Variants in SPAG16 observed in about 807,000 individuals in gnomAD.
SPAG16 encodes the protein sperm associated antigen 16.
SPAG16 carries 86 observed loss-of-function variants against 80.4 expected under a neutral mutation model. The observed-to-expected ratio is 1.07, with a 90% confidence interval of 0.90 to 1.28. The LOEUF (loss-of-function observed/expected upper bound fraction) is 1.28, where lower values mean the gene tolerates loss of function less well. SPAG16 is among the 50% of genes most tolerant of loss of function. SPAG16 has a pLI of 0.00. For synonymous variants in SPAG16, 294 were observed against 265.9 expected (o/e 1.11, Z -1.03); for missense variants, 870 against 765.3 (o/e 1.14, Z -1.61).
At chr2:214,164,240 G>A (rs1277572970) in intron 15 of SPAG16, among the ~76,000 whole-genome samples, 1 of 152,110 alleles carries the variant, frequency 6.6e-6, no homozygotes, top group Non-Finnish European at 1.5e-5. Context: ...ATGATAAATA[G>A]CTACCGAAAT....
intron 15 of SPAG16, among the ~76,000 whole-genome samples, chr2:214,254,074 C>G (rs2372253): frequency 0.66 from 99,540 of 151,820 alleles, 32,843 homozygotes; most frequent in South Asian, 0.71. Context: ...AATTGTGAAT[C>G]GGAGTCACTG....
intron 9 of SPAG16, among the ~76,000 whole-genome samples, chr2:213,431,509 A>AAAAGTCATT (rs1168410947): frequency 2.1e-5 from 3 of 145,124 alleles, no homozygotes; most frequent in African/African-American, 7.8e-5. Context: ...AAAAAAAAGA[A>AAAAGTCATT]AAAGTCATTA....
At chr2:213,737,117 T>C (rs1203076323) in intron 10 of SPAG16, among the ~76,000 whole-genome samples, 1 of 152,212 alleles carries the variant, frequency 6.6e-6, no homozygotes, top group Admixed American at 6.5e-5. Context: ...GTTCTTGATT[T>C]ATTTTTATTA....
chr2:213,951,753 A>G lies in SPAG16; in HGVS notation c.1400+21608A>G, dbSNP rs575669164. Among the ~76,000 whole-genome samples, 90 of 152,306 alleles carry G rather than the reference A, an allele frequency of 5.9e-4. 1 individual carries two copies. In the South Asian group the frequency reaches 0.013, roughly 22 times the overall value. ...GGAATATGCCAAAATGCATGCTATA[A>G]TAACTCACTGGCTGACGTTGAGTCA... On this transcript the variant is annotated intron_variant, in intron 12 of 15. Transcript: ENST00000331683.
intron 14 of SPAG16, among the ~76,000 whole-genome samples, chr2:214,123,781 A>T (rs1306078992): frequency 1.3e-5 from 2 of 151,992 alleles, no homozygotes; most frequent in African/African-American, 4.8e-5. Context: ...AAGATAACTC[A>T]AGCATAGGCA....
intron 9 of SPAG16, among the ~76,000 whole-genome samples, chr2:213,408,572 T>C (rs1211180657): frequency 1.4e-5 from 2 of 146,466 alleles, no homozygotes; most frequent in African/African-American, 5.6e-5. Flanking sequence ...GCAGGTTTCC[T>C]AACAGGGGAT....
intron 11 of SPAG16, among the ~76,000 whole-genome samples, chr2:213,880,931 T>C (rs757875026): frequency 2.0e-5 from 3 of 152,112 alleles, no homozygotes; most frequent in Non-Finnish European, 4.4e-5. Flanking sequence ...TGCTCTTCTT[T>C]GTTTGAATGA....
chr2:214,086,111 A>T (rs1434317621), intron 13 of SPAG16, among the ~76,000 whole-genome samples: 1 of 152,142 alleles, frequency 6.6e-6, no homozygotes, highest in Non-Finnish European at 1.5e-5. Flanking sequence ...AATTTATCTG[A>T]TGCAGCCATC....
chr2:213,338,633 C>G lies in SPAG16; in HGVS notation c.537-1530C>G, dbSNP rs146069525. Among the ~76,000 whole-genome samples the G allele has an allele frequency of 1.5e-3, 235 of 152,274 alleles. 2 individuals carry two copies. In the East Asian group the frequency reaches 0.041, roughly 27 times the overall value. ...AACCCAGATGCCCATCAATGATAGA[C>G]TGGATAAAGAAAATGTGGCACATAT... On this transcript the variant is annotated intron_variant, in intron 5 of 15. Transcript: ENST00000331683.
intron 13 of SPAG16, among the ~76,000 whole-genome samples, chr2:214,025,667 G>C (rs540730046): frequency 6.6e-6 from 1 of 151,602 alleles, no homozygotes; most frequent in Non-Finnish European, 1.5e-5. Flanking sequence ...TTGTTATATA[G>C]ATTTATAGCA....
intron 10 of SPAG16, among the ~76,000 whole-genome samples, chr2:213,638,035 G>T (rs150533538): frequency 1.3e-5 from 2 of 152,170 alleles, no homozygotes; most frequent in African/African-American, 4.8e-5. Context: ...GGGATTACAG[G>T]CGTGAGCCAT....
At chr2:213,700,942 G>A (rs2065384592) in intron 10 of SPAG16, among the ~76,000 whole-genome samples, 1 of 151,924 alleles carries the variant, frequency 6.6e-6, no homozygotes, top group African/African-American at 2.4e-5. Context: ...AGGTTCAGGA[G>A]TTCAAGATCA....
At chr2:213,474,604 C>T (rs1042733692) in intron 9 of SPAG16, among the ~76,000 whole-genome samples, 2 of 152,168 alleles carry the variant, frequency 1.3e-5, no homozygotes, top group African/African-American at 2.4e-5. Context: ...CAAGGACTGT[C>T]AGTGTTCTCC....
chr2:213,852,462 G>A (rs769215800), intron 10 of SPAG16, among the ~76,000 whole-genome samples: 3 of 151,950 alleles, frequency 2.0e-5, no homozygotes, highest in Non-Finnish European at 1.5e-5. Flanking sequence ...CCTTCCTCTC[G>A]CTCCCTATCC....
intron 9 of SPAG16, among the ~76,000 whole-genome samples, chr2:213,452,944 T>G (rs2071790235): frequency 6.6e-6 from 1 of 152,214 alleles, no homozygotes. Flanking sequence ...TAGAATTCAG[T>G]TTTCTTTTGA....
chr2:213,285,618 CT>C (rs2062027613), intron 1 of SPAG16, among the ~76,000 whole-genome samples: 1 of 152,186 alleles, frequency 6.6e-6, no homozygotes, highest in Non-Finnish European at 1.5e-5. Flanking sequence ...GCCGATTAAC[CT>C]GTCCTGACTC....
chr2:214,277,801 A>C (rs1298686587), intron 15 of SPAG16, among the ~76,000 whole-genome samples: 1 of 152,164 alleles, frequency 6.6e-6, no homozygotes, highest in African/African-American at 2.4e-5. Flanking sequence ...CCGTTCTCAG[A>C]GCTCAAACGC....
intron 15 of SPAG16, among the ~76,000 whole-genome samples, chr2:214,248,437 C>T (rs1690017080): frequency 6.6e-6 from 1 of 151,772 alleles, no homozygotes. Flanking sequence ...TCTGCCTCAG[C>T]CTCCTGAGTA....
chr2:213,356,794 T>C lies in SPAG16; in HGVS notation c.762+6149T>C, dbSNP rs368917739. On this transcript the variant is annotated intron_variant, in intron 7 of 15. Transcript: ENST00000331683. Reference sequence around the variant, plus strand: ...GTTATTTCTTGCCTTCTGCTAGCTTTTGAATGTGTTTGTTCTTGCTTCTCT... The same window carrying C: ...GTTATTTCTTGCCTTCTGCTAGCTTCTGAATGTGTTTGTTCTTGCTTCTCT... Among the ~76,000 whole-genome samples the C allele has an allele frequency of 1.3e-3, 202 of 152,322 alleles. 1 individual carries two copies. Among genetic ancestry groups the C allele is most frequent in the South Asian group, 0.011 (52 of 4,834 alleles).
Sources: gnomAD v4.1 joint callset for allele counts (sites outside exome capture counted in the v4.1 genomes callset) on GRCh38, gnomAD v4.1.1 for gene constraint, MANE v1.5 for transcripts, NCBI Gene and HGNC (gene_info 2026-07-23, HGNC 2026-07-21) for gene names.